Variants in DNAAF6 observed in about 807,000 individuals in gnomAD.
DNAAF6 encodes the protein dynein axonemal assembly factor 6.
In DNAAF6, 3 loss-of-function variants were observed where a neutral mutation model predicts 13.7. That is an observed-to-expected ratio of 0.22 (90% CI 0.10 to 0.56). DNAAF6 has a LOEUF of 0.56. Among genes scored for constraint, DNAAF6 ranks in the 20% least tolerant of loss-of-function variants. The pLI, the probability that DNAAF6 is intolerant of heterozygous loss-of-function variation, is 0.92. For missense variants in DNAAF6, 130 were observed against 151.0 expected (o/e 0.86, Z 0.73); for synonymous variants, 54 against 49.2 (o/e 1.10, Z -0.41).
intron 1 of DNAAF6, 122 bp from the exon 2 acceptor site, chrX:107,212,751 A>G: frequency 1.2e-6 from 1 of 847,721 alleles, no homozygotes; most frequent in Non-Finnish European, 1.6e-6. Context: ...AGGATTTCCA[A>G]GGAAGTATAA....
At chrX:107,216,227 G>A (rs1311372909) in intron 2 of DNAAF6, among the ~76,000 whole-genome samples, 4 of 111,808 alleles carry the variant, frequency 3.6e-5, no homozygotes, top group Non-Finnish European at 5.6e-5. Context: ...TGAATACTTA[G>A]CTTCTGCTTA....
At chrX:107,218,527 GGA>G (rs377686671) in intron 3 of DNAAF6, among the ~76,000 whole-genome samples, 27 of 106,870 alleles carry the variant, frequency 2.5e-4, no homozygotes, top group Admixed American at 4.0e-4. Context: ...ATATGTATAT[GGA>G]GAGAGAGAGA....
intron 2 of DNAAF6, among the ~76,000 whole-genome samples, chrX:107,216,328 C>G (rs1479368968): frequency 9.0e-6 from 1 of 111,683 alleles, no homozygotes; most frequent in Non-Finnish European, 1.9e-5. Context: ...GTGTCAATGC[C>G]TTTATACTAA....
At chrX:107,208,569 G>A (rs1471006510) in intron 1 of DNAAF6, among the ~76,000 whole-genome samples, 2 of 104,532 alleles carry the variant, frequency 1.9e-5, no homozygotes, top group Non-Finnish European at 3.9e-5. Flanking sequence ...ACGGAGTCTC[G>A]CTCTGTCGCC....
chrX:107,216,331 T>C (rs1250210395), intron 2 of DNAAF6, among the ~76,000 whole-genome samples: 1 of 111,843 alleles, frequency 8.9e-6, no homozygotes, highest in Non-Finnish European at 1.9e-5. Context: ...TCAATGCCTT[T>C]ATACTAATAC....
chrX:107,232,837 G>C (rs1602688373), intron 5 of DNAAF6, among the ~76,000 whole-genome samples: 1 of 110,626 alleles, frequency 9.0e-6, no homozygotes, highest in Admixed American at 9.7e-5. Flanking sequence ...TGATCTCCTG[G>C]ACTCAAGTGA....
rs749286481 is a variant in DNAAF6, at chrX:107,206,658, G to A, written c.-36G>A. Reference sequence around the variant, plus strand: ...GCCACGCTCTGCACAGTCTATTTTCGGAGCCTAGCCAGAGACGGGAAAACT... The same window carrying A: ...GCCACGCTCTGCACAGTCTATTTTCAGAGCCTAGCCAGAGACGGGAAAACT... On this transcript the variant is annotated 5_prime_UTR_variant, in exon 1 of 7. Transcript: ENST00000372453. 1.8e-5 allele frequency: 2 copies of A among 111,032 alleles called. No homozygotes were observed. The highest frequency in any genetic ancestry group is 3.8e-4 in the South Asian group (1 of 2,603). 9.2% of individuals were successfully genotyped at this position (111,032 alleles called of 1,213,427 possible).
intron 6 of DNAAF6, among the ~76,000 whole-genome samples, chrX:107,241,811 G>A (rs953459431): frequency 1.8e-5 from 2 of 111,457 alleles, no homozygotes; most frequent in Non-Finnish European, 3.8e-5. Flanking sequence ...TCATTCCAAT[G>A]GCCACTAACT....
At chrX:107,224,865 T>C (rs991627470) in intron 5 of DNAAF6, among the ~76,000 whole-genome samples, 3 of 109,333 alleles carry the variant, frequency 2.7e-5, no homozygotes, top group African/African-American at 1.0e-4. Context: ...ACTGTATGCC[T>C]GTATCAAAAT....
Position 107,243,464 on chromosome X carries a change from C to G in DNAAF6, c.*166C>G, listed in dbSNP as rs1008197885. On this transcript the variant is annotated 3_prime_UTR_variant, in exon 7 of 7. Coordinates refer to ENST00000372453, the MANE Select transcript of DNAAF6 (RefSeq NM_173494.2). ...TGACCATTTACAGTAATTTCTATTACTCTGTTAGGAAATATGTTTCCTTGG... is the reference window on the plus strand; with the variant it reads ...TGACCATTTACAGTAATTTCTATTAGTCTGTTAGGAAATATGTTTCCTTGG... 7.4e-6 allele frequency: 5 copies of G among 676,915 alleles called. No individual in the cohort carries two copies. The highest frequency in any genetic ancestry group is 1.0e-5 in the Non-Finnish European group (5 of 488,015). The allele number at this position is 676,915 out of a possible 1,213,427, so 55.8% of individuals were successfully genotyped here. A position where few individuals can be genotyped will look rare whatever the true frequency, so the allele number is the denominator to read the frequency against.
At chrX:107,231,860 T>A (rs980844339) in intron 5 of DNAAF6, among the ~76,000 whole-genome samples, 1 of 111,474 alleles carries the variant, frequency 9.0e-6, no homozygotes, top group African/African-American at 3.3e-5. Flanking sequence ...ATTTCTTTTT[T>A]TTCTTTTTGT....
intron 3 of DNAAF6, among the ~76,000 whole-genome samples, chrX:107,217,568 A>G (rs781405668): frequency 8.9e-6 from 1 of 112,130 alleles, no homozygotes; most frequent in East Asian, 2.8e-4. Context: ...AAAGTCCAAT[A>G]AATAAGGCTA....
At chrX:107,228,014 C>A (rs765684449) in intron 5 of DNAAF6, among the ~76,000 whole-genome samples, 27 of 111,395 alleles carry the variant, frequency 2.4e-4, no homozygotes, top group Non-Finnish European at 4.7e-4. Flanking sequence ...ATCAAAATAT[C>A]TGAATCACAT....
At chrX:107,226,660 A>AT (rs1281942760) in intron 5 of DNAAF6, among the ~76,000 whole-genome samples, 1 of 111,864 alleles carries the variant, frequency 8.9e-6, no homozygotes, top group Non-Finnish European at 1.9e-5. Flanking sequence ...TATTCTGCCA[A>AT]ATTACCCTTT....
intron 5 of DNAAF6, among the ~76,000 whole-genome samples, chrX:107,229,602 CT>C (rs199587265): frequency 1.8e-5 from 2 of 109,571 alleles, no homozygotes; most frequent in Non-Finnish European, 3.8e-5. Context: ...TGACCTATGT[CT>C]TTTTTTTTCT....
chrX:107,235,410 T>C (rs1386210482), intron 5 of DNAAF6, among the ~76,000 whole-genome samples: 3 of 111,532 alleles, frequency 2.7e-5, no homozygotes, highest in Non-Finnish European at 3.8e-5. Flanking sequence ...TAATAAGATT[T>C]TTTTTAATGA....
chrX:107,209,178 GAT>G (rs1927792022), intron 1 of DNAAF6, among the ~76,000 whole-genome samples: 1 of 111,400 alleles, frequency 9.0e-6, no homozygotes, highest in African/African-American at 3.3e-5. Context: ...AGGCAGAGAT[GAT>G]ATCACTGTTG....
rs1458731051 is a variant in DNAAF6, at chrX:107,222,853, C to T, written c.429+12C>T. The T allele has an allele frequency of 3.4e-6, 4 of 1,189,520 alleles. No individual in the cohort carries two copies. The African/African-American group carries it at 5.3e-5, about 16-fold the overall frequency. ...GCAGTGAACTAGTGGTAAGCCTCTC[C>T]TCCCCTTCTTCATTTTCTATACAAC... On this transcript the variant is annotated intron_variant, in intron 5 of 6. Coordinates refer to ENST00000372453, the MANE Select transcript of DNAAF6 (RefSeq NM_173494.2).
intron 5 of DNAAF6, among the ~76,000 whole-genome samples, chrX:107,230,708 G>T (rs141461747): frequency 1.8e-5 from 2 of 111,427 alleles, no homozygotes; most frequent in African/African-American, 6.5e-5. Context: ...TCACCTCTTC[G>T]CTTACAGCCC....
Sources: gnomAD v4.1 joint callset for allele counts (sites outside exome capture counted in the v4.1 genomes callset) on GRCh38, gnomAD v4.1.1 for gene constraint, MANE v1.5 for transcripts, NCBI Gene and HGNC (gene_info 2026-07-23, HGNC 2026-07-21) for gene names.